CALCB: variants seen among roughly 807,000 people sequenced by gnomAD.
CALCB encodes calcitonin related polypeptide beta.
Under a neutral mutation model 10.7 loss-of-function variants are expected in CALCB, and 8 were observed. The observed-to-expected ratio is 0.75, with a 90% CI of 0.44 to 1.34. The LOEUF (loss-of-function observed/expected upper bound fraction) is 1.34. Ranked by LOEUF, CALCB falls within the 40% of genes most tolerant of loss-of-function variation. The pLI, the probability that CALCB is intolerant of heterozygous loss-of-function variation, is 0.01. For missense variants in CALCB, 176 were observed against 162.5 expected (o/e 1.08, Z -0.45); for synonymous variants, 76 against 66.9 (o/e 1.14, Z -0.66).
At chr11:15,077,577 T>C in intron 4 of CALCB, 107 bp downstream of exon 4, 1 of 1,137,350 alleles carries the variant, frequency 8.8e-7, no homozygotes, top group Non-Finnish European at 1.2e-6. Context: ...TTCTGTCCAG[T>C]TACATTGTTC....
intron 4 of CALCB, 106 bp downstream of exon 4, chr11:15,077,576 G>T: frequency 1.8e-6 from 2 of 1,136,564 alleles, no homozygotes; most frequent in Admixed American, 2.6e-5. Context: ...CTTCTGTCCA[G>T]TTACATTGTT....
In CALCB at chr11:15,075,133, G is replaced by A; in HGVS notation, c.159G>A (p.Leu53=). 2.5e-6 allele frequency: 4 copies of A among 1,614,182 alleles called. No individual in the cohort carries two copies. The highest frequency in any genetic ancestry group is 3.4e-6 in the Non-Finnish European group (4 of 1,179,998). ...KEDARLLLAA[L]VQDYVQMKAS... ...ACGCGCGCCTCCTGCTGGCTGCACT[G>A]GTGCAGGACTATGTGCAGATGAAGG... is the stretch of plus-strand genomic sequence containing the variant. Residue 53 remains leucine (L), a synonymous_variant, in exon 3 of 5, where the codon CTG becomes CTA. Coordinates refer to ENST00000324229, the MANE Select transcript of CALCB (RefSeq NM_000728.4).
rs1365314163 is a variant in CALCB, at chr11:15,078,079, T to A, written c.*26-4T>A. On this transcript the variant is annotated splice_region_variant and splice_polypyrimidine_tract_variant and intron_variant, in intron 4 of 4. Transcript: ENST00000324229. ...CTCCTCTTCTTTTTTTCCCCTAATC[T>A]CAGGTTATCATGAAACTGAACTCAC... 1 of 152,068 alleles carries A rather than the reference T, an allele frequency of 6.6e-6. No individual in the cohort carries two copies. The highest frequency in any genetic ancestry group is 1.5e-5 in the Non-Finnish European group (1 of 68,036). The allele number at this position is 152,068 out of a possible 1,614,324, so 9.4% of individuals were successfully genotyped here.
At chr11:15,074,857 A>G in intron 2 of CALCB, 53 bp downstream of exon 2, 1 of 1,527,330 alleles carries the variant, frequency 6.5e-7, no homozygotes. Flanking sequence ...CCCTAGGACC[A>G]GACAGCTCTG....
chr11:15,075,601 A>C (rs756562365), intron 3 of CALCB, among the ~76,000 whole-genome samples: 2 of 152,160 alleles, frequency 1.3e-5, no homozygotes, highest in Non-Finnish European at 2.9e-5. Flanking sequence ...AATAGACCCA[A>C]TATCTCAGAA....
Position 15,075,003 on chromosome 11 carries a change from C to A in CALCB, c.87-58C>A, listed in dbSNP as rs1287985123. On this transcript the variant is annotated intron_variant, in intron 2 of 4. Coordinates refer to ENST00000324229, the MANE Select transcript of CALCB (RefSeq NM_000728.4). ...GAGACCAGGAAGCCTGGCTGCCTATCCTGGGGAGGGTCAGTCAGGGGCTCA... is the reference window on the plus strand; with the variant it reads ...GAGACCAGGAAGCCTGGCTGCCTATACTGGGGAGGGTCAGTCAGGGGCTCA... 2.5e-6 allele frequency: 4 copies of A among 1,601,980 alleles called. No homozygotes were observed. In the East Asian group the frequency reaches 8.9e-5, roughly 36 times the overall value.
Position 15,077,245 on chromosome 11 carries a change from C to T in CALCB, c.225-41C>T, listed in dbSNP as rs995136603. 2.5e-6 allele frequency: 4 copies of T among 1,604,332 alleles called. No homozygotes were observed. In the Admixed American group the frequency reaches 5.1e-5, roughly 20 times the overall value. On this transcript the variant is annotated intron_variant, in intron 3 of 4. Coordinates refer to ENST00000324229, the MANE Select transcript of CALCB (RefSeq NM_000728.4). The stretch of plus-strand genomic sequence containing the variant: ...CATGAAGGCTCCTCCCCCAGCTTTT[C>T]ACTCACAGGTCTTCTCTTCTTTCTC...
rs1850378108 is a variant in CALCB, at chr11:15,074,766, C to T, written c.48C>T (p.Val16=). 1.2e-6 allele frequency: 2 copies of T among 1,614,124 alleles called. No individual in the cohort carries two copies. ...FSPFLALSIL[V]LYQAGSLQAA... Reference sequence around the variant, plus strand: ...CCTTCCTGGCTCTCAGTATCTTGGTCCTGTACCAGGCGGGCAGCCTCCAGG... The same window carrying T: ...CCTTCCTGGCTCTCAGTATCTTGGTTCTGTACCAGGCGGGCAGCCTCCAGG... The change falls in exon 2 of 5, where the codon GTC becomes GTT. Residue 16 remains valine (V), a synonymous_variant. Coordinates refer to ENST00000324229, the MANE Select transcript of CALCB (RefSeq NM_000728.4).
chr11:15,074,625 T>G, intron 1 of CALCB, 85 bp from the exon 2 acceptor site: 1 of 1,033,316 alleles, frequency 9.7e-7, no homozygotes, highest in South Asian at 1.5e-5. Context: ...GTAACGTGCC[T>G]AAGGTCACAT....
chr11:15,076,734 GGT>G (rs1445209351), intron 3 of CALCB, among the ~76,000 whole-genome samples: 1 of 152,188 alleles, frequency 6.6e-6, no homozygotes, highest in Non-Finnish European at 1.5e-5. Context: ...CAGACTTGAG[GGT>G]GTCCAGTGCC....
At position 15,077,498 on chromosome 11, in the gene CALCB, A is replaced by G. The variant is rs1850407225; in HGVS notation, c.*25+28A>G. The stretch of plus-strand genomic sequence containing the variant: ...AACTACCCTAATGCTATGGGATAAG[A>G]GGGGGAAGGGACTTGGAGTTAAAAC... On this transcript the variant is annotated intron_variant, in intron 4 of 4. Coordinates refer to ENST00000324229, the MANE Select transcript of CALCB (RefSeq NM_000728.4). 7 of 1,603,220 alleles carry G rather than the reference A, an allele frequency of 4.4e-6. No individual in the cohort carries two copies. In the East Asian group the frequency reaches 1.6e-4, roughly 36 times the overall value.
At chr11:15,073,934 G>A (rs562300690) in intron 1 of CALCB, among the ~76,000 whole-genome samples, 1 of 152,386 alleles carries the variant, frequency 6.6e-6, no homozygotes, top group Admixed American at 6.5e-5. Flanking sequence ...CGGGTCTGCA[G>A]CCCTGGCGTT....
chr11:15,073,772 C>G (rs1850369483), intron 1 of CALCB, 109 bp downstream of exon 1: 2 of 152,614 alleles, frequency 1.3e-5, no homozygotes, highest in South Asian at 4.1e-4. Context: ...CCATCTGGTC[C>G]TACCTTACAG....
chr11:15,075,936 C>T (rs1273690349), intron 3 of CALCB, among the ~76,000 whole-genome samples: 1 of 152,136 alleles, frequency 6.6e-6, no homozygotes, highest in Non-Finnish European at 1.5e-5. Context: ...GCATGAAGGG[C>T]TGAACATCAT....
Position 15,075,131 on chromosome 11 carries a change from C to T in CALCB, c.157C>T (p.Leu53=), listed in dbSNP as rs778709516. 25 of 1,614,118 alleles carry T rather than the reference C, an allele frequency of 1.5e-5. No homozygotes were observed. The highest frequency in any genetic ancestry group is 1.6e-4 in the Middle Eastern group (1 of 6,084). ...KEDARLLLAA[L]VQDYVQMKAS... Reference sequence around the variant, plus strand: ...GGACGCGCGCCTCCTGCTGGCTGCACTGGTGCAGGACTATGTGCAGATGAA... The same window carrying T: ...GGACGCGCGCCTCCTGCTGGCTGCATTGGTGCAGGACTATGTGCAGATGAA... The change falls in exon 3 of 5, where the codon CTG becomes TTG. Residue 53 remains leucine, a synonymous_variant. Coordinates refer to ENST00000324229, the MANE Select transcript of CALCB (RefSeq NM_000728.4).
Position 15,078,493 on chromosome 11 carries a change from G to T in CALCB, c.*436G>T, listed in dbSNP as rs767650234. The T allele has an allele frequency of 6.6e-6, 1 of 152,104 alleles. No individual in the cohort carries two copies. The highest frequency in any genetic ancestry group is 1.5e-5 in the Non-Finnish European group (1 of 68,016). The allele number at this position is 152,104 out of a possible 1,614,324, so 9.4% of individuals were successfully genotyped here. A position where few individuals can be genotyped will look rare whatever the true frequency, so the allele number is the denominator to read the frequency against. ...ATTTGTTTAAGAAAATGTCAATATT[G>T]TGCCATTTGTGAACTTCATCAAGAT... On this transcript the variant is annotated 3_prime_UTR_variant, in exon 5 of 5. Transcript: ENST00000324229.
intron 3 of CALCB, among the ~76,000 whole-genome samples, chr11:15,075,903 C>T (rs1279220446): frequency 3.3e-5 from 5 of 152,184 alleles, no homozygotes; most frequent in Non-Finnish European, 7.3e-5. Flanking sequence ...CACCTACATT[C>T]ACCCCGAGAA....
intron 3 of CALCB, among the ~76,000 whole-genome samples, chr11:15,076,790 G>C (rs1850399356): frequency 6.6e-6 from 1 of 152,204 alleles, no homozygotes; most frequent in Non-Finnish European, 1.5e-5. Flanking sequence ...TGGGTATGGG[G>C]CTTGGTGGGT....
intron 4 of CALCB, 94 bp downstream of exon 4, chr11:15,077,564 T>A: frequency 7.9e-7 from 1 of 1,265,640 alleles, no homozygotes; most frequent in Non-Finnish European, 1.1e-6. Flanking sequence ...TTCTTTAGGT[T>A]CCTTCTGTCC....
Sources: gnomAD v4.1 joint callset for allele counts (sites outside exome capture counted in the v4.1 genomes callset) on GRCh38, gnomAD v4.1.1 for gene constraint, MANE v1.5 for transcripts, NCBI Gene and HGNC (gene_info 2026-07-23, HGNC 2026-07-21) for gene names.